Variants in ARHGEF26 observed in about 807,000 individuals in gnomAD.
The protein encoded by ARHGEF26 is Rho guanine nucleotide exchange factor 26.
A neutral mutation model predicts 89.4 loss-of-function variants in ARHGEF26; 59 were observed. That is an observed-to-expected ratio of 0.66 (90% CI 0.54 to 0.82). The LOEUF (loss-of-function observed/expected upper bound fraction) is 0.82. Among genes scored for constraint, ARHGEF26 ranks in the 40% least tolerant of loss-of-function variants. The probability of loss-of-function intolerance (pLI) is 0.00; values close to 1 mark genes in which losing one functional copy is unlikely to be tolerated. For synonymous variants in ARHGEF26, 500 were observed against 428.4 expected (o/e 1.17, Z -2.06); for missense variants, 1,234 against 1,085.6 (o/e 1.14, Z -1.92).
intron 9 of ARHGEF26, among the ~76,000 whole-genome samples, chr3:154,217,609 C>T (rs1277817700): frequency 6.6e-6 from 1 of 152,194 alleles, no homozygotes; most frequent in Non-Finnish European, 1.5e-5. Context: ...CTCCCTTCAG[C>T]TGCTCTGATT....
chr3:154,215,079 A>C (rs1715635820), intron 9 of ARHGEF26, among the ~76,000 whole-genome samples: 1 of 152,170 alleles, frequency 6.6e-6, no homozygotes, highest in African/African-American at 2.4e-5. Flanking sequence ...CATGCTGGTG[A>C]CTTTCTTTTT....
In ARHGEF26 at chr3:154,122,025, C is replaced by T. The variant is rs753759594; in HGVS notation, c.33C>T (p.Ser11=). MDGESEVDFS[S]NSITPLWRRR... ...GCGAGAGCGAGGTGGATTTTTCTAGCAACAGCATAACCCCTTTGTGGCGGA... is the reference window on the plus strand; with the variant it reads ...GCGAGAGCGAGGTGGATTTTTCTAGTAACAGCATAACCCCTTTGTGGCGGA... Residue 11 remains serine, a synonymous_variant, in exon 2 of 15, where the codon AGC becomes AGT. Transcript: ENST00000465093. 1.5e-5 allele frequency: 24 copies of T among 1,597,844 alleles called. No homozygotes were observed. In the South Asian group the frequency reaches 2.5e-4, roughly 17 times the overall value.
At chr3:154,143,511 C>T (rs1559858419) in intron 4 of ARHGEF26, among the ~76,000 whole-genome samples, 1 of 152,052 alleles carries the variant, frequency 6.6e-6, no homozygotes, top group African/African-American at 2.4e-5. Context: ...TGTTGTTAAT[C>T]ATGTGTGTGT....
chr3:154,122,226 T>TA lies in ARHGEF26; in HGVS notation c.235dup (p.Arg79LysfsTer73). The TA allele has an allele frequency of 6.2e-7, 1 of 1,609,400 alleles. No homozygotes were observed. Among genetic ancestry groups the TA allele is most frequent in the Non-Finnish European group, 8.5e-7 (1 of 1,178,268 alleles). ...CCGCCTCGGACAGCAGGACGGTACA[T>TA]AGGAGCCCCCTGCTTCTGGGCGCCC... On this transcript the variant is annotated frameshift_variant, in exon 2 of 15. Transcript: ENST00000465093. LOFTEE classifies it high-confidence loss of function.
intron 8 of ARHGEF26, 85 bp downstream of exon 8, chr3:154,191,503 A>C: frequency 6.8e-7 from 1 of 1,464,136 alleles, no homozygotes; most frequent in Non-Finnish European, 9.1e-7. Flanking sequence ...TTCCACTTAA[A>C]TTGATGCATA....
chr3:154,197,347 A>G (rs1225084710), intron 9 of ARHGEF26, among the ~76,000 whole-genome samples: 1 of 152,204 alleles, frequency 6.6e-6, no homozygotes, highest in African/African-American at 2.4e-5. Context: ...GGAAAACAAT[A>G]TGAATATTTT....
chr3:154,170,063 G>GA (rs879446363), intron 6 of ARHGEF26, among the ~76,000 whole-genome samples: 1,478 of 145,830 alleles, frequency 0.01, 23 homozygotes, highest in African/African-American at 0.034. Flanking sequence ...TTAGCTATAA[G>GA]AAAAAAAAAA....
intron 9 of ARHGEF26, among the ~76,000 whole-genome samples, chr3:154,213,314 C>T (rs996698453): frequency 6.6e-6 from 1 of 150,634 alleles, no homozygotes; most frequent in Admixed American, 6.6e-5. Flanking sequence ...CTTTAGTGAA[C>T]CAAATTTAAT....
chr3:154,226,029 T>C lies in ARHGEF26; in HGVS notation c.2090+19T>C. The C allele has an allele frequency of 1.2e-6, 2 of 1,600,442 alleles. No homozygotes were observed. Among genetic ancestry groups the C allele is most frequent in the Non-Finnish European group, 1.7e-6 (2 of 1,174,068 alleles). On this transcript the variant is annotated intron_variant, in intron 11 of 14. Transcript: ENST00000465093. ...AGAAGAGGTAAGTCTTTATCTGGTG[T>C]TGCTGACTAGACATTCCAGTTTTAA... is the stretch of plus-strand genomic sequence containing the variant.
intron 7 of ARHGEF26, among the ~76,000 whole-genome samples, chr3:154,188,108 C>CAG (rs1222348098): frequency 6.6e-6 from 1 of 152,088 alleles, no homozygotes; most frequent in African/African-American, 2.4e-5. Context: ...TTGCAGGAAA[C>CAG]AGAGGTGGTC....
At position 154,256,265 on chromosome 3, in the gene ARHGEF26, C is replaced by G; in HGVS notation, c.*792C>G. The G allele has an allele frequency of 1.0e-6, 1 of 984,800 alleles. No individual in the cohort carries two copies. Among genetic ancestry groups the G allele is most frequent in the Non-Finnish European group, 1.2e-6 (1 of 829,428 alleles). 61.0% of individuals were successfully genotyped at this position (984,800 alleles called of 1,614,324 possible). Reference sequence around the variant, plus strand: ...TACTTTTTTCCCCACCTCTGTCGCCCAGGCTAGAGTATAGTGGTGTGATCT... The same window carrying G: ...TACTTTTTTCCCCACCTCTGTCGCCGAGGCTAGAGTATAGTGGTGTGATCT... On this transcript the variant is annotated 3_prime_UTR_variant, in exon 15 of 15. Transcript: ENST00000465093.
chr3:154,240,529 T>TA lies in ARHGEF26; in HGVS notation c.2251dup (p.Ser751LysfsTer2). ...GTCACCTCTTTACTCTGACAGTCCT[T>TA]AGTAACCACGCGAATGAGAAAGTGG... On this transcript the variant is annotated frameshift_variant, in exon 12 of 15. Transcript: ENST00000465093. LOFTEE classifies it high-confidence loss of function. 1 of 1,613,130 alleles carries TA rather than the reference T, an allele frequency of 6.2e-7. No homozygotes were observed. Among genetic ancestry groups the TA allele is most frequent in the Non-Finnish European group, 8.5e-7 (1 of 1,179,502 alleles).
chr3:154,197,794 G>T (rs1274553936), intron 9 of ARHGEF26, among the ~76,000 whole-genome samples: 1 of 152,122 alleles, frequency 6.6e-6, no homozygotes, highest in Non-Finnish European at 1.5e-5. Context: ...GCTGGGGGGA[G>T]AAATTCTAGG....
intron 12 of ARHGEF26, among the ~76,000 whole-genome samples, chr3:154,249,608 C>T (rs1718001581): frequency 1.3e-5 from 2 of 152,020 alleles, no homozygotes; most frequent in African/African-American, 2.4e-5. Context: ...CTGTGTGTTC[C>T]CTCATACTGA....
chr3:154,167,397 AC>A (rs1712112238), intron 6 of ARHGEF26, among the ~76,000 whole-genome samples: 1 of 152,144 alleles, frequency 6.6e-6, no homozygotes, highest in African/African-American at 2.4e-5. Flanking sequence ...TGAGGAAGTG[AC>A]CTTTCCTTAC....
Position 154,225,891 on chromosome 3 carries a change from A to G in ARHGEF26, c.1971A>G (p.Val657=). ...FPLVSSSRWL[V]KRGELTAYVE... ...TAGTCTCCTCTTCCCGGTGGTTGGT[A>G]AAAAGAGGTGAATTGACAGCCTATG... The change falls in exon 11 of 15, where the codon GTA becomes GTG. Residue 657 remains valine, a synonymous_variant. Transcript: ENST00000465093. 3 of 1,610,028 alleles carry G rather than the reference A, an allele frequency of 1.9e-6. No individual in the cohort carries two copies. Among genetic ancestry groups the G allele is most frequent in the African/African-American group, 1.3e-5 (1 of 74,756 alleles).
At chr3:154,145,517 T>A (rs1024757929) in intron 4 of ARHGEF26, among the ~76,000 whole-genome samples, 1 of 152,168 alleles carries the variant, frequency 6.6e-6, no homozygotes, top group African/African-American at 2.4e-5. Context: ...TGATCTTGGA[T>A]TGTAAATCTA....
At chr3:154,219,152 T>C (rs1488190905) in intron 10 of ARHGEF26, among the ~76,000 whole-genome samples, 1 of 152,236 alleles carries the variant, frequency 6.6e-6, no homozygotes, top group Non-Finnish European at 1.5e-5. Flanking sequence ...TCTCGTTCTC[T>C]CTAATTTGTT....
chr3:154,121,638 T>C, intron 1 of ARHGEF26, 119 bp downstream of exon 1: 1 of 255,312 alleles, frequency 3.9e-6, no homozygotes, highest in East Asian at 7.5e-5. Flanking sequence ...GCTGAACTCG[T>C]CCCAAGTTTC....
Sources: gnomAD v4.1 joint callset for allele counts (sites outside exome capture counted in the v4.1 genomes callset) on GRCh38, gnomAD v4.1.1 for gene constraint, MANE v1.5 for transcripts, NCBI Gene and HGNC (gene_info 2026-07-23, HGNC 2026-07-21) for gene names.